Variants in CSMD1 observed in about 807,000 individuals in gnomAD.
CSMD1 encodes the protein CUB and Sushi multiple domains 1.
In CSMD1, 213 loss-of-function variants were observed where a neutral mutation model predicts 417.5. That is an observed-to-expected ratio of 0.51 (90% CI 0.46 to 0.57). The LOEUF is 0.57. Ranked by LOEUF, CSMD1 falls within the 20% of genes least tolerant of loss-of-function variation. The pLI is 0.00. For missense variants in CSMD1, 6,923 were observed against 4,529.7 expected, an observed-to-expected ratio of 1.53 and a Z score of -15.17; for synonymous variants, 2,862 against 1,736.8, an observed-to-expected ratio of 1.65 and a Z score of -16.11.
At chr8:4,227,617 T>G (rs1312326380) in intron 3 of CSMD1, among the ~76,000 whole-genome samples, 1 of 151,986 alleles carries the variant, frequency 6.6e-6, no homozygotes, top group Non-Finnish European at 1.5e-5. Flanking sequence ...GCACATTCAG[T>G]CAGACACTCG....
At chr8:4,408,016 G>A (rs1796423213) in intron 3 of CSMD1, among the ~76,000 whole-genome samples, 2 of 152,086 alleles carry the variant, frequency 1.3e-5, no homozygotes, top group Non-Finnish European at 2.9e-5. Flanking sequence ...CACACCAGCT[G>A]TCCACTTACT....
intron 5 of CSMD1, among the ~76,000 whole-genome samples, chr8:3,820,688 G>T (rs13279706): frequency 6.6e-6 from 1 of 152,052 alleles, no homozygotes; most frequent in African/African-American, 2.4e-5. Context: ...CTATTCTCTT[G>T]CCTTAGCCTC....
chr8:3,951,187 G>A (rs769985193), intron 5 of CSMD1, among the ~76,000 whole-genome samples: 1 of 152,172 alleles, frequency 6.6e-6, no homozygotes, highest in African/African-American at 2.4e-5. Context: ...CCTGCCATGT[G>A]AGACAAGACC....
chr8:3,806,785 A>G (rs111230241), intron 5 of CSMD1, among the ~76,000 whole-genome samples: 85 of 152,336 alleles, frequency 5.6e-4, no homozygotes, highest in African/African-American at 2.0e-3. Flanking sequence ...TGTTTTAGCT[A>G]CTAAATACTA....
intron 49 of CSMD1, among the ~76,000 whole-genome samples, chr8:3,078,874 G>A (rs549585327): frequency 6.6e-6 from 1 of 152,316 alleles, no homozygotes; most frequent in South Asian, 2.1e-4. Flanking sequence ...AGACATGTCT[G>A]ACTGCATGCG....
intron 7 of CSMD1, among the ~76,000 whole-genome samples, chr8:3,659,369 C>T (rs747078197): frequency 1.1e-4 from 16 of 152,184 alleles, no homozygotes; most frequent in Non-Finnish European, 2.2e-4. Context: ...TTACTACCCA[C>T]TGATGAAATT....
chr8:3,599,525 C>A (rs185953930), intron 8 of CSMD1, among the ~76,000 whole-genome samples: 22 of 152,226 alleles, frequency 1.4e-4, no homozygotes, highest in Middle Eastern at 3.4e-3. Context: ...ATTAGTAACC[C>A]CAACGCAGCA....
chr8:4,691,798 T>C (rs1026363494), intron 1 of CSMD1, among the ~76,000 whole-genome samples: 4 of 152,230 alleles, frequency 2.6e-5, no homozygotes, highest in African/African-American at 9.6e-5. Context: ...TAAATCATTG[T>C]TCAAATCTAA....
intron 12 of CSMD1, among the ~76,000 whole-genome samples, chr8:3,460,736 T>C (rs1013832568): frequency 1.3e-5 from 2 of 152,156 alleles, no homozygotes; most frequent in Non-Finnish European, 1.5e-5. Flanking sequence ...AAAACAATAA[T>C]TATAAATCTG....
intron 3 of CSMD1, among the ~76,000 whole-genome samples, chr8:4,251,202 A>C (rs1199761701): frequency 1.3e-5 from 2 of 152,212 alleles, no homozygotes; most frequent in African/African-American, 4.8e-5. Flanking sequence ...ACAAGTTTAC[A>C]ATAAATAAAA....
chr8:3,998,706 G>T (rs1403592), intron 4 of CSMD1, among the ~76,000 whole-genome samples: 16,884 of 151,946 alleles, frequency 0.11, 1,072 homozygotes, highest in East Asian at 0.19. Flanking sequence ...ATAAGTGAAA[G>T]GCCAGTAAAG....
chr8:3,905,949 C>T (rs926696145), intron 5 of CSMD1, among the ~76,000 whole-genome samples: 1 of 152,176 alleles, frequency 6.6e-6, no homozygotes, highest in Non-Finnish European at 1.5e-5. Context: ...TGCCCCTCAA[C>T]CATACCTTTT....
Position 4,423,787 on chromosome 8 carries a change from G to C in CSMD1, c.303-3722C>G, listed in dbSNP as rs773745532. Among the ~76,000 whole-genome samples the C allele has an allele frequency of 6.6e-5, 10 of 152,024 alleles. 1 individual carries two copies. The South Asian group carries it at 8.3e-4, about 13-fold the overall frequency. ...TTTGCGAGAGAAGAATAAAGCAGGA[G>C]AAACAGTTCACCTGATTTCAAGACT... On this transcript the variant is annotated intron_variant, in intron 2 of 69. Coordinates refer to ENST00000635120, the MANE Select transcript of CSMD1 (RefSeq NM_033225.6).
At chr8:4,451,758 A>G (rs907896198) in intron 2 of CSMD1, among the ~76,000 whole-genome samples, 2 of 152,044 alleles carry the variant, frequency 1.3e-5, no homozygotes, top group African/African-American at 2.4e-5. Flanking sequence ...AATGATACAG[A>G]TAGAACCATC....
chr8:3,544,369 C>T (rs993724314), intron 10 of CSMD1, among the ~76,000 whole-genome samples: 13 of 152,116 alleles, frequency 8.5e-5, no homozygotes, highest in Admixed American at 2.0e-4. Context: ...TAGCAAAGAA[C>T]ATCTCCCCTG....
At chr8:3,467,227 A>G (rs55785554) in intron 12 of CSMD1, among the ~76,000 whole-genome samples, 23,519 of 152,190 alleles carry the variant, frequency 0.15, 1,817 homozygotes, top group East Asian at 0.22. Flanking sequence ...CAGTTTGGGC[A>G]CGAGGTTCCT....
chr8:3,543,556 G>A (rs574467198), intron 10 of CSMD1, among the ~76,000 whole-genome samples: 121 of 152,086 alleles, frequency 8.0e-4, no homozygotes, highest in African/African-American at 2.8e-3. Context: ...TGAACAGAGT[G>A]TATGGGTCTG....
chr8:3,502,831 G>T (rs999010465), intron 10 of CSMD1, among the ~76,000 whole-genome samples: 1 of 152,124 alleles, frequency 6.6e-6, no homozygotes, highest in Admixed American at 6.6e-5. Context: ...ATAGCAGCCG[G>T]AGTGAGCCCT....
chr8:4,464,384 T>C (rs1800027034), intron 2 of CSMD1, among the ~76,000 whole-genome samples: 1 of 152,236 alleles, frequency 6.6e-6, no homozygotes, highest in African/African-American at 2.4e-5. Context: ...ATGCATTTAA[T>C]ATACCTAACC....
Sources: gnomAD v4.1 joint callset for allele counts (sites outside exome capture counted in the v4.1 genomes callset) on GRCh38, gnomAD v4.1.1 for gene constraint, MANE v1.5 for transcripts, NCBI Gene and HGNC (gene_info 2026-07-23, HGNC 2026-07-21) for gene names.